The following RELL1 variants were observed in gnomAD, a reference collection of about 807,000 sequenced individuals.
RELL1 encodes the protein RELT like 1.
In RELL1, 10 loss-of-function variants were observed where a neutral mutation model predicts 23.0. The ratio of observed to expected loss-of-function variants is 0.43; its 90% CI spans 0.27 to 0.74. The LOEUF (loss-of-function observed/expected upper bound fraction) is 0.74. Ranked by LOEUF, RELL1 falls within the 30% of genes least tolerant of loss-of-function variation. The pLI is 0.19. For synonymous variants in RELL1, 146 were observed against 146.8 expected, an observed-to-expected ratio of 0.99 and a Z score of 0.04; for missense variants, 315 against 364.4, an observed-to-expected ratio of 0.86 and a Z score of 1.10.
Position 37,647,427 on chromosome 4 carries a change from C to T in RELL1, c.326G>A (p.Ser109Asn), listed in dbSNP as rs554457198. The change falls in exon 3 of 7, where the codon AGT (serine) becomes AAT (asparagine). Residue 109 changes from serine to asparagine, a missense_variant. Coordinates refer to ENST00000454158, the MANE Select transcript of RELL1 (RefSeq NM_001085400.2). ...AACAGTGTCACTGTTTTCATTCACA[C>T]TGTCATTCAATTCTGAAAGAGAAAA... ...EKVEKIELNDSVNENSDTVGQ... is the reference protein window; with the variant it reads ...EKVEKIELNDNVNENSDTVGQ... 5 of 1,611,950 alleles carry T rather than the reference C, an allele frequency of 3.1e-6. No homozygotes were observed. In the African/African-American group the frequency reaches 5.3e-5, roughly 17 times the overall value.
rs1716638751 is a variant in RELL1 at position 37,669,005 on chromosome 4, T to TTGG, written c.88+17194_88+17195insCCA. 3.4e-5 allele frequency among the ~76,000 whole-genome samples: 4 copies of TTGG among 117,590 alleles called. No individual in the cohort carries two copies. In the South Asian group the frequency reaches 1.0e-3, roughly 30 times the overall value. The allele number at this position is 117,590 out of a possible 152,430, so 77.1% of individuals were successfully genotyped here. On this transcript the variant is annotated intron_variant, in intron 1 of 6. Coordinates refer to ENST00000454158, the MANE Select transcript of RELL1 (RefSeq NM_001085400.2). ...CCAGCCGCCCCATCCAGGAGAGAGGTGGGGGGGTCAGCCCCCCGCCTGGCC... is the reference window on the plus strand; with the variant it reads ...CCAGCCGCCCCATCCAGGAGAGAGGTTGGGGGGGGGTCAGCCCCCCGCCTGGCC...
At position 37,631,458 on chromosome 4, in the gene RELL1, C is replaced by T; in HGVS notation, c.746G>A (p.Ser249Asn). 6.2e-7 allele frequency: 1 copy of T among 1,614,160 alleles called. No individual in the cohort carries two copies. Among genetic ancestry groups the T allele is most frequent in the Non-Finnish European group, 8.5e-7 (1 of 1,180,018 alleles). The change falls in exon 6 of 7, where the codon AGT becomes AAT. Residue 249 changes from serine (S) to asparagine (N), a missense_variant. Transcript: ENST00000454158. ...QKERRSLMSV[S>N]GAETVNGEVP... ...CTCCCCATTGACGGTTTCAGCCCCACTAACAGACATCAGGCTTCTCCGTTC... is the reference window on the plus strand; with the variant it reads ...CTCCCCATTGACGGTTTCAGCCCCATTAACAGACATCAGGCTTCTCCGTTC...
Position 37,628,044 on chromosome 4 carries a change from T to C in RELL1, c.*3+3341A>G, listed in dbSNP as rs118121778. 2.0e-3 allele frequency among the ~76,000 whole-genome samples: 298 copies of C among 152,270 alleles called. 9 individuals are homozygous for C. In the East Asian group the frequency reaches 0.054, roughly 28 times the overall value. ...ACATACTTTTTTTGGGGGGATGAGA[T>C]TTGAAAAGAAAAAAAACTGCAAGAA... On this transcript the variant is annotated intron_variant, in intron 6 of 6. Coordinates refer to ENST00000454158, the MANE Select transcript of RELL1 (RefSeq NM_001085400.2).
intron 1 of RELL1, among the ~76,000 whole-genome samples, chr4:37,666,586 C>T (rs1721540821): frequency 6.6e-6 from 1 of 152,204 alleles, no homozygotes; most frequent in Admixed American, 6.5e-5. Context: ...TCACCAAGCT[C>T]ACAGCTCAGC....
chr4:37,643,981 G>A (rs970811796), intron 3 of RELL1, among the ~76,000 whole-genome samples: 6 of 152,150 alleles, frequency 3.9e-5, no homozygotes, highest in African/African-American at 9.7e-5. Context: ...TGGAGAAACC[G>A]CAGGTACACA....
chr4:37,631,891 G>A (rs78799295), intron 5 of RELL1, among the ~76,000 whole-genome samples: 3,854 of 151,842 alleles, frequency 0.025, 188 homozygotes, highest in East Asian at 0.12. Flanking sequence ...ACCAGACTGG[G>A]TGTATGGCAA....
At chr4:37,639,154 G>A (rs1452262280) in intron 3 of RELL1, among the ~76,000 whole-genome samples, 2 of 152,140 alleles carry the variant, frequency 1.3e-5, no homozygotes, top group Non-Finnish European at 2.9e-5. Flanking sequence ...GGAAGCCGAG[G>A]TGGACAGATC....
At chr4:37,681,214 A>G (rs1722207821) in intron 1 of RELL1, among the ~76,000 whole-genome samples, 1 of 152,216 alleles carries the variant, frequency 6.6e-6, no homozygotes, top group African/African-American at 2.4e-5. Context: ...TTGCAAAGCT[A>G]TCACCACCTC....
chr4:37,634,747 C>T, intron 5 of RELL1, 140 bp downstream of exon 5: 1 of 753,764 alleles, frequency 1.3e-6, no homozygotes, highest in Non-Finnish European at 2.2e-6. Context: ...AGGACTCACA[C>T]CAGAAAACAT....
rs77482484 is a variant in RELL1 at position 37,652,089 on chromosome 4, T to C, written c.89-2589A>G. On this transcript the variant is annotated intron_variant, in intron 1 of 6. Coordinates refer to ENST00000454158, the MANE Select transcript of RELL1 (RefSeq NM_001085400.2). Reference sequence around the variant, plus strand: ...AACTCCTGCATCATAATGATTATAATGGGGACAATATGCCTGGTATGAAAT... The same window carrying C: ...AACTCCTGCATCATAATGATTATAACGGGGACAATATGCCTGGTATGAAAT... Among the ~76,000 whole-genome samples the C allele has an allele frequency of 0.011, 1,619 of 152,228 alleles. 104 individuals carry two copies. The East Asian group carries it at 0.19, about 18-fold the overall frequency.
chr4:37,685,907 A>G (rs1212953556), intron 1 of RELL1, among the ~76,000 whole-genome samples: 1 of 152,168 alleles, frequency 6.6e-6, no homozygotes, highest in Admixed American at 6.5e-5. Flanking sequence ...CCCCCGAAGA[A>G]GGCCTGGTCC....
chr4:37,599,008 C>T (rs1455083589), intron 6 of RELL1, among the ~76,000 whole-genome samples: 1 of 152,124 alleles, frequency 6.6e-6, no homozygotes, highest in Non-Finnish European at 1.5e-5. Flanking sequence ...TTAAAGGTGA[C>T]ATAATATGCC....
chr4:37,684,389 T>C (rs1722330280), intron 1 of RELL1, among the ~76,000 whole-genome samples: 1 of 151,820 alleles, frequency 6.6e-6, no homozygotes, highest in Non-Finnish European at 1.5e-5. Context: ...GATGAGAGCT[T>C]TCATCAGTCA....
At chr4:37,626,246 G>A (rs1719939777) in intron 6 of RELL1, among the ~76,000 whole-genome samples, 1 of 152,172 alleles carries the variant, frequency 6.6e-6, no homozygotes, top group African/African-American at 2.4e-5. Flanking sequence ...GGGAGGCCGA[G>A]GCAGGTGGAT....
At chr4:37,633,961 C>T (rs1296478345) in intron 5 of RELL1, among the ~76,000 whole-genome samples, 1 of 152,226 alleles carries the variant, frequency 6.6e-6, no homozygotes, top group Non-Finnish European at 1.5e-5. Context: ...ATGTAAGCAG[C>T]ACTGTTGACT....
chr4:37,670,819 G>A (rs760440052), intron 1 of RELL1, among the ~76,000 whole-genome samples: 1 of 152,046 alleles, frequency 6.6e-6, no homozygotes, highest in African/African-American at 2.4e-5. Context: ...TGATCTGCCC[G>A]CCTTGACCTC....
At chr4:37,613,919 T>C (rs1158726632) in intron 6 of RELL1, among the ~76,000 whole-genome samples, 1 of 152,256 alleles carries the variant, frequency 6.6e-6, no homozygotes, top group Non-Finnish European at 1.5e-5. Context: ...TGAACAGCTC[T>C]GTGACTTTTT....
chr4:37,627,914 C>T (rs984549612), intron 6 of RELL1, among the ~76,000 whole-genome samples: 3 of 152,178 alleles, frequency 2.0e-5, no homozygotes, highest in Admixed American at 6.5e-5. Context: ...TAGCTGCATT[C>T]CAGTGCAGAT....
chr4:37,609,581 ATCT>A (rs1288813341), downstream of RELL1, among the ~76,000 whole-genome samples: 1 of 152,218 alleles, frequency 6.6e-6, no homozygotes, highest in Admixed American at 6.5e-5. Flanking sequence ...GTCAATTGAA[ATCT>A]TCTGGAAGGA....
Sources: gnomAD v4.1 joint callset for allele counts (sites outside exome capture counted in the v4.1 genomes callset) on GRCh38, gnomAD v4.1.1 for gene constraint, MANE v1.5 for transcripts, NCBI Gene and HGNC (gene_info 2026-07-23, HGNC 2026-07-21) for gene names.